Variants in ACTR3C observed in about 807,000 individuals in gnomAD.
ACTR3C encodes the protein actin-related protein 3C.
Under a neutral mutation model 26.3 loss-of-function variants are expected in ACTR3C, and 18 were observed. The observed-to-expected ratio is 0.68, with a 90% CI of 0.47 to 1.01. ACTR3C has a LOEUF of 1.01. ACTR3C is among the 50% of genes least tolerant of loss of function. The pLI, the probability that ACTR3C is intolerant of heterozygous loss-of-function variation, is 0.00. For synonymous variants in ACTR3C, 55 were observed against 94.5 expected (o/e 0.58, Z 2.42); for missense variants, 184 against 250.7 (o/e 0.73, Z 1.80).
the ACTR3C span, among the ~76,000 whole-genome samples, chr7:150,053,967 G>C: frequency 9.5e-3 from 1,450 of 152,358 alleles, 9 homozygotes; most frequent in East Asian, 0.027. Flanking sequence ...AGCCCAGCAA[G>C]TTGGCCCCCA....
the ACTR3C span, among the ~76,000 whole-genome samples, chr7:150,211,478 G>A: frequency 6.6e-6 from 1 of 151,398 alleles, no homozygotes; most frequent in South Asian, 2.1e-4. Context: ...ATGGGGTTTC[G>A]CCATGTTGGC....
intron 1 of ACTR3C, among the ~76,000 whole-genome samples, chr7:150,310,942 G>A (rs1796266187): frequency 6.6e-6 from 1 of 151,968 alleles, no homozygotes; most frequent in African/African-American, 2.4e-5. Flanking sequence ...ACATATCTCG[G>A]CATAGTCCTC....
chr7:150,173,193 T>G, the ACTR3C span, among the ~76,000 whole-genome samples: 2,762 of 150,146 alleles, frequency 0.018, 309 homozygotes, highest in African/African-American at 0.067. Flanking sequence ...GCAGAGGTTC[T>G]ACATGAGTGC....
the ACTR3C span, among the ~76,000 whole-genome samples, chr7:150,124,249 G>A: frequency 6.6e-6 from 1 of 152,176 alleles, no homozygotes; most frequent in Non-Finnish European, 1.5e-5. Flanking sequence ...TTCAATAGAA[G>A]TTGCAGTTCT....
At chr7:150,010,518 A>ACC in the ACTR3C span, among the ~76,000 whole-genome samples, 1 of 152,100 alleles carries the variant, frequency 6.6e-6, no homozygotes, top group Admixed American at 6.5e-5. Context: ...ACATGGTGAA[A>ACC]CCCTGTCTCT....
At chr7:150,311,279 G>T (rs7798216) in intron 1 of ACTR3C, among the ~76,000 whole-genome samples, 5,888 of 152,194 alleles carry the variant, frequency 0.039, 369 homozygotes, top group African/African-American at 0.14. Context: ...CTGTTGGAGT[G>T]CTCACACAGG....
chr7:150,169,906 TTTC>T, the ACTR3C span, among the ~76,000 whole-genome samples: 2 of 150,614 alleles, frequency 1.3e-5, no homozygotes. Context: ...CTTTCCCCGT[TTTC>T]TTCTTCTCTT....
the ACTR3C span, among the ~76,000 whole-genome samples, chr7:150,051,273 G>A: frequency 6.6e-6 from 1 of 151,866 alleles, no homozygotes; most frequent in Non-Finnish European, 1.5e-5. Flanking sequence ...GTTAGAATAA[G>A]TGAAGTGATA....
chr7:150,273,289 T>A (rs1357195738), intron 6 of ACTR3C, among the ~76,000 whole-genome samples: 2 of 138,404 alleles, frequency 1.4e-5, no homozygotes, highest in Non-Finnish European at 3.0e-5. Context: ...CAACCTTTTT[T>A]TTTTTTGAAA....
At chr7:150,059,999 G>A in the ACTR3C span, among the ~76,000 whole-genome samples, 2 of 152,156 alleles carry the variant, frequency 1.3e-5, no homozygotes, top group Admixed American at 6.5e-5. Context: ...AATACTTTCG[G>A]CACACATGAT....
the ACTR3C span, among the ~76,000 whole-genome samples, chr7:150,103,250 G>C: frequency 4.6e-5 from 7 of 152,092 alleles, no homozygotes; most frequent in South Asian, 1.2e-3. Context: ...CATAGAAACT[G>C]TGTGTTATTT....
At chr7:150,280,935 C>T (rs185359002) in intron 6 of ACTR3C, among the ~76,000 whole-genome samples, 1 of 152,232 alleles carries the variant, frequency 6.6e-6, no homozygotes, top group Admixed American at 6.5e-5. Context: ...GAAAAAAGCC[C>T]CACTGGCCCA....
chr7:150,039,550 A>AG, the ACTR3C span, among the ~76,000 whole-genome samples: 576 of 73,108 alleles, frequency 7.9e-3, 2 homozygotes, highest in African/African-American at 0.011. Flanking sequence ...CCCCAGAGCC[A>AG]GGGGGGGAAG....
the ACTR3C span, among the ~76,000 whole-genome samples, chr7:150,109,587 G>C: frequency 6.7e-6 from 1 of 149,206 alleles, no homozygotes; most frequent in Admixed American, 6.6e-5. Flanking sequence ...ACGGCATAAG[G>C]GAGCATTTCT....
chr7:150,162,285 G>A, the ACTR3C span, among the ~76,000 whole-genome samples: 1 of 151,990 alleles, frequency 6.6e-6, no homozygotes, highest in Non-Finnish European at 1.5e-5. Context: ...TACAATGTCA[G>A]GATTGATGTC....
chr7:150,073,057 A>G, the ACTR3C span, among the ~76,000 whole-genome samples: 1 of 152,276 alleles, frequency 6.6e-6, no homozygotes, highest in South Asian at 2.1e-4. Flanking sequence ...CCAAATTCAT[A>G]CTTTGAAATT....
the ACTR3C span, among the ~76,000 whole-genome samples, chr7:149,963,061 G>A: frequency 6.6e-6 from 1 of 152,226 alleles, no homozygotes; most frequent in African/African-American, 2.4e-5. Context: ...CATTAGCAGA[G>A]GCCATGGGGG....
chr7:150,085,661 G>A, the ACTR3C span, among the ~76,000 whole-genome samples: 2 of 152,098 alleles, frequency 1.3e-5, no homozygotes, highest in African/African-American at 4.8e-5. Context: ...AACTTCAAGT[G>A]CCTGGATGAA....
At chr7:150,021,711 C>T in the ACTR3C span, among the ~76,000 whole-genome samples, 11 of 149,870 alleles carry the variant, frequency 7.3e-5, no homozygotes, top group African/African-American at 2.5e-4. Flanking sequence ...AAAGCGAGAA[C>T]ATACGATACT....
Sources: gnomAD v4.1 joint callset for allele counts (sites outside exome capture counted in the v4.1 genomes callset) on GRCh38, gnomAD v4.1.1 for gene constraint, MANE v1.5 for transcripts, NCBI Gene and HGNC (gene_info 2026-07-23, HGNC 2026-07-21) for gene names.